The following PREX2 variants were observed in gnomAD, a reference collection of about 807,000 sequenced individuals.
PREX2 encodes phosphatidylinositol 3,4,5-trisphosphate-dependent Rac exchanger 2 protein.
In PREX2, 107 loss-of-function variants were observed where a neutral mutation model predicts 203.2. The observed-to-expected ratio is 0.53, with a 90% CI of 0.45 to 0.62. The LOEUF is 0.62. PREX2 is among the 20% of genes least tolerant of loss of function. The probability of loss-of-function intolerance (pLI) is 0.00; values close to 1 mark genes in which losing one functional copy is unlikely to be tolerated. For synonymous variants in PREX2, 672 were observed against 663.6 expected, an observed-to-expected ratio of 1.01 and a Z score of -0.19; for missense variants, 1,777 against 1,955.9, an observed-to-expected ratio of 0.91 and a Z score of 1.72.
intron 27 of PREX2, 178 bp downstream of exon 27, chr8:68,118,822 CA>C: frequency 1.4e-6 from 1 of 736,544 alleles, no homozygotes. Context: ...TTCCCAATCC[CA>C]TTTTAAAGGG....
chr8:68,235,423 C>G lies in PREX2; in HGVS notation c.*4045C>G, dbSNP rs909126410. On this transcript the variant is annotated 3_prime_UTR_variant, in exon 40 of 40. Coordinates refer to ENST00000288368, the MANE Select transcript of PREX2 (RefSeq NM_024870.4). ...CTTACTAAATTATCACTTAAGAACT[C>G]TCTCATAGCAGTAATTTCATTAACA... is the stretch of plus-strand genomic sequence containing the variant. The G allele has an allele frequency of 2.0e-5, 3 of 152,132 alleles. No homozygotes were observed. Among genetic ancestry groups the G allele is most frequent in the African/African-American group, 4.8e-5 (2 of 41,428 alleles). 9.4% of individuals were successfully genotyped at this position (152,132 alleles called of 1,614,324 possible). A position where few individuals can be genotyped will look rare whatever the true frequency, so the allele number is the denominator to read the frequency against.
chr8:68,101,406 T>G (rs1176030840), intron 23 of PREX2: 2 of 518,840 alleles, frequency 3.9e-6, no homozygotes, highest in African/African-American at 3.8e-5. Flanking sequence ...GTTACTCACA[T>G]GAAGAAAACT....
chr8:68,120,289 A>T lies in PREX2; in HGVS notation c.3595+3A>T, dbSNP rs774568451. On this transcript the variant is annotated splice_donor_region_variant and intron_variant, in intron 29 of 39. Coordinates refer to ENST00000288368, the MANE Select transcript of PREX2 (RefSeq NM_024870.4). ...CACTCCAGGCCGAGGATTGCAAGGT[A>T]AGCCTTGAAAAATTAACTAGTAGAA... is the stretch of plus-strand genomic sequence containing the variant. 20 of 1,610,704 alleles carry T rather than the reference A, an allele frequency of 1.2e-5. No individual in the cohort carries two copies. The highest frequency in any genetic ancestry group is 1.7e-5 in the Admixed American group (1 of 59,976).
intron 1 of PREX2, among the ~76,000 whole-genome samples, chr8:68,000,391 G>A (rs2129609722): frequency 6.6e-6 from 1 of 152,116 alleles, no homozygotes; most frequent in Non-Finnish European, 1.5e-5. Context: ...ACCTACCCAG[G>A]GAGTTGAAAG....
chr8:68,076,419 T>C (rs1309586529), intron 14 of PREX2, among the ~76,000 whole-genome samples: 1 of 152,112 alleles, frequency 6.6e-6, no homozygotes, highest in East Asian at 1.9e-4. Flanking sequence ...ATCAAGCCAC[T>C]GCATTCCAGC....
chr8:68,227,171 T>C (rs866950816), intron 39 of PREX2, among the ~76,000 whole-genome samples: 22 of 152,270 alleles, frequency 1.4e-4, no homozygotes, highest in African/African-American at 4.8e-4. Flanking sequence ...GATGGCCCAT[T>C]TGAGGACAGC....
intron 25 of PREX2, among the ~76,000 whole-genome samples, chr8:68,109,990 C>G (rs1199987087): frequency 6.6e-6 from 1 of 152,074 alleles, no homozygotes; most frequent in Admixed American, 6.6e-5. Flanking sequence ...GGTGAATATG[C>G]ACTCAATAGA....
In PREX2 at chr8:68,109,549, C is replaced by T. The variant is rs1810494501; in HGVS notation, c.3072C>T (p.Asp1024=). 1.2e-6 allele frequency: 2 copies of T among 1,614,008 alleles called. No homozygotes were observed. The highest frequency in any genetic ancestry group is 1.7e-6 in the Non-Finnish European group (2 of 1,179,930). The change falls in exon 25 of 40, where the codon GAC becomes GAT. Residue 1024 remains aspartate, a synonymous_variant. Coordinates refer to ENST00000288368, the MANE Select transcript of PREX2 (RefSeq NM_024870.4). ...LLKEEDLETQ[D]IYQKLLGKLQ... ...AAGAAGAAGACTTAGAAACCCAAGACATCTATCAGAAACTGCTGGGCAAAC... is the reference window on the plus strand; with the variant it reads ...AAGAAGAAGACTTAGAAACCCAAGATATCTATCAGAAACTGCTGGGCAAAC...
chr8:68,231,318 C>T lies in PREX2; in HGVS notation c.4776-15C>T, dbSNP rs1813166145. 1.9e-6 allele frequency: 3 copies of T among 1,574,894 alleles called. No homozygotes were observed. Among genetic ancestry groups the T allele is most frequent in the African/African-American group, 2.7e-5 (2 of 73,154 alleles). On this transcript the variant is annotated splice_polypyrimidine_tract_variant and intron_variant, in intron 39 of 39. Transcript: ENST00000288368. Reference sequence around the variant, plus strand: ...TACACTAAGTCACTGTCAAACTTTACCATGCCTTTTCTAGGCTGTACAAGC... The same window carrying T: ...TACACTAAGTCACTGTCAAACTTTATCATGCCTTTTCTAGGCTGTACAAGC...
Position 68,164,740 on chromosome 8 carries a change from G to A in PREX2, c.4346+7304G>A, listed in dbSNP as rs527677345. 4.6e-4 allele frequency among the ~76,000 whole-genome samples: 69 copies of A among 151,640 alleles called. 1 individual carries two copies. In the South Asian group the frequency reaches 0.013, roughly 29 times the overall value. ...TGGGATTACAGGCATGTGCCACCAC[G>A]CCAGGCTAATTTTGTATTTTTAGTA... On this transcript the variant is annotated intron_variant, in intron 35 of 39. Coordinates refer to ENST00000288368, the MANE Select transcript of PREX2 (RefSeq NM_024870.4).
At chr8:67,997,469 G>T (rs1411795293) in intron 1 of PREX2, among the ~76,000 whole-genome samples, 4 of 152,124 alleles carry the variant, frequency 2.6e-5, no homozygotes, top group Non-Finnish European at 4.4e-5. Context: ...GGGGACTACT[G>T]TATTTGTCCA....
intron 1 of PREX2, among the ~76,000 whole-genome samples, chr8:68,007,502 T>G (rs1001501189): frequency 2.0e-5 from 3 of 152,234 alleles, no homozygotes; most frequent in Non-Finnish European, 4.4e-5. Flanking sequence ...CCTTCAGAAG[T>G]TTTGCTGTTA....
At chr8:67,964,384 T>C (rs574455811) in intron 1 of PREX2, among the ~76,000 whole-genome samples, 6 of 152,338 alleles carry the variant, frequency 3.9e-5, no homozygotes, top group Non-Finnish European at 7.4e-5. Context: ...GGAATAAATA[T>C]TGAGGGGCAA....
At chr8:68,173,477 A>G (rs1811919036) in intron 35 of PREX2, among the ~76,000 whole-genome samples, 2 of 152,298 alleles carry the variant, frequency 1.3e-5, no homozygotes, top group African/African-American at 4.8e-5. Flanking sequence ...AGAATGTGAT[A>G]TAACTGCACG....
intron 9 of PREX2, among the ~76,000 whole-genome samples, chr8:68,055,204 A>G (rs2129611183): frequency 6.6e-6 from 1 of 152,294 alleles, no homozygotes; most frequent in South Asian, 2.1e-4. Flanking sequence ...CTGCATGCCC[A>G]ATACCTAAGG....
chr8:68,186,087 G>T (rs1812183332), intron 35 of PREX2, among the ~76,000 whole-genome samples: 1 of 122,824 alleles, frequency 8.1e-6, no homozygotes, highest in African/African-American at 3.3e-5. Context: ...GAAAGATACT[G>T]AAGTTCTTCA....
At chr8:68,006,861 A>T (rs1807113046) in intron 1 of PREX2, among the ~76,000 whole-genome samples, 1 of 152,248 alleles carries the variant, frequency 6.6e-6, no homozygotes, top group Non-Finnish European at 1.5e-5. Context: ...TAGTTGAACA[A>T]ATATGCATCT....
intron 1 of PREX2, among the ~76,000 whole-genome samples, chr8:67,991,292 C>T (rs1369164862): frequency 2.0e-5 from 3 of 152,142 alleles, no homozygotes; most frequent in Non-Finnish European, 2.9e-5. Flanking sequence ...TATGCTTCAT[C>T]TTCATACCTG....
intron 34 of PREX2, among the ~76,000 whole-genome samples, chr8:68,151,740 T>C (rs180822998): frequency 8.7e-4 from 132 of 151,914 alleles, no homozygotes; most frequent in African/African-American, 3.1e-3. Context: ...GTCTTTTCTC[T>C]GCCAGCATGC....
Sources: allele counts gnomAD v4.1 joint callset (sites outside exome capture counted in the v4.1 genomes callset), GRCh38; gene constraint gnomAD v4.1.1; transcripts MANE v1.5; gene names NCBI Gene and HGNC (gene_info 2026-07-23, HGNC 2026-07-21).